CELF2: variants seen among roughly 807,000 people sequenced by gnomAD.
CELF2 encodes the protein CUGBP Elav-like family member 2.
A neutral mutation model predicts 62.6 loss-of-function variants in CELF2; 8 were observed. That is an observed-to-expected ratio of 0.13 (90% CI 0.07 to 0.23). CELF2 has a LOEUF of 0.23. Among genes scored for constraint, CELF2 ranks in the 10% least tolerant of loss-of-function variants. The pLI is 1.00. For synonymous variants in CELF2, 258 were observed against 250.0 expected, an observed-to-expected ratio of 1.03 and a Z score of -0.30; for missense variants, 333 against 671.0, an observed-to-expected ratio of 0.50 and a Z score of 5.56.
chr10:11,252,393 T>G (rs931086069), intron 4 of CELF2, among the ~76,000 whole-genome samples: 5 of 152,258 alleles, frequency 3.3e-5, no homozygotes, highest in African/African-American at 1.2e-4. Context: ...CTCATCACAG[T>G]TAGACAGTTA....
Position 11,330,091 on chromosome 10 carries a change from A to C in CELF2, c.*1038A>C, listed in dbSNP as rs1480042706. Reference sequence around the variant, plus strand: ...CCGTTGAACCCTAGACCTGAAGTTCATGCTTTATCCTCTCGTTGTTTGTAT... The same window carrying C: ...CCGTTGAACCCTAGACCTGAAGTTCCTGCTTTATCCTCTCGTTGTTTGTAT... On this transcript the variant is annotated 3_prime_UTR_variant, in exon 13 of 13. Transcript: ENST00000633077. This position sits in a 1 kb window ranked among gnomAD's most constrained non-coding sequence, Gnocchi z 4.5. 6.5e-5 allele frequency: 10 copies of C among 152,754 alleles called. No individual in the cohort carries two copies. The highest frequency in any genetic ancestry group is 1.2e-4 in the Non-Finnish European group (8 of 68,024). 9.5% of individuals were successfully genotyped at this position (152,754 alleles called of 1,614,324 possible).
intron 1 of CELF2, among the ~76,000 whole-genome samples, chr10:11,064,748 G>A (rs930323196): frequency 2.0e-5 from 3 of 152,054 alleles, no homozygotes; most frequent in Non-Finnish European, 4.4e-5. Flanking sequence ...ATTCAATTAG[G>A]GGAGACTCTT....
At chr10:11,106,093 G>A (rs1056309776) in intron 1 of CELF2, among the ~76,000 whole-genome samples, 4 of 152,146 alleles carry the variant, frequency 2.6e-5, no homozygotes, top group Admixed American at 2.6e-4. Context: ...CTCATTATCA[G>A]ATATGTCTTG....
At chr10:10,700,042 A>G in the CELF2 span, among the ~76,000 whole-genome samples, 1 of 152,214 alleles carries the variant, frequency 6.6e-6, no homozygotes, top group Non-Finnish European at 1.5e-5. Flanking sequence ...CCCACTAGGT[A>G]TCTGGAATTC....
At chr10:10,643,984 C>G in the CELF2 span, among the ~76,000 whole-genome samples, 1 of 152,180 alleles carries the variant, frequency 6.6e-6, no homozygotes, top group East Asian at 1.9e-4. Flanking sequence ...GATGTTATCA[C>G]AGCCCTAAGG....
the CELF2 span, among the ~76,000 whole-genome samples, chr10:10,669,115 G>A: frequency 6.6e-6 from 1 of 152,366 alleles, no homozygotes; most frequent in Non-Finnish European, 1.5e-5. Context: ...AGGCAGCTCA[G>A]TAGTGGTTTG....
At chr10:10,507,005 C>A in the CELF2 span, among the ~76,000 whole-genome samples, 2 of 152,094 alleles carry the variant, frequency 1.3e-5, no homozygotes, top group South Asian at 4.2e-4. Context: ...CAGCGGAGAT[C>A]CAGGCAAAGG....
chr10:11,172,428 A>G (rs1294237971), intron 2 of CELF2, among the ~76,000 whole-genome samples: 6 of 152,224 alleles, frequency 3.9e-5, no homozygotes, highest in Non-Finnish European at 5.9e-5. Context: ...ATGAAATGCA[A>G]TTTTAAAATA....
chr10:10,480,188 A>G, the CELF2 span, among the ~76,000 whole-genome samples: 1 of 152,220 alleles, frequency 6.6e-6, no homozygotes, highest in East Asian at 1.9e-4. Context: ...TGTAACCACA[A>G]AATATAAAAC....
At position 10,849,441 on chromosome 10, in the gene CELF2, A is replaced by G. The variant is rs2059238181; in HGVS notation, c.53+50624A>G. Among the ~76,000 whole-genome samples the G allele has an allele frequency of 2.0e-5, 3 of 151,992 alleles. 1 individual carries two copies. The highest frequency in any genetic ancestry group is 2.0e-4 in the Admixed American group (3 of 15,242). ...AAAAGAAAAGAAAACTGTAAGAACA[A>G]TACAAAGAATACTATACACTCTTTC... On this transcript the variant is annotated intron_variant, in intron 1 of 13. Transcript: ENST00000636488.
At chr10:10,520,646 G>C in the CELF2 span, among the ~76,000 whole-genome samples, 1 of 152,102 alleles carries the variant, frequency 6.6e-6, no homozygotes, top group African/African-American at 2.4e-5. Context: ...CAGCCGGAAA[G>C]CCAAAGCACA....
intron 1 of CELF2, among the ~76,000 whole-genome samples, chr10:10,830,494 C>T (rs967047464): frequency 1.3e-5 from 2 of 152,146 alleles, no homozygotes; most frequent in East Asian, 3.9e-4. Context: ...AAGTTTGATT[C>T]GTCATTTTGT....
chr10:10,939,909 G>A (rs181454657), intron 2 of CELF2, among the ~76,000 whole-genome samples: 106 of 152,134 alleles, frequency 7.0e-4, no homozygotes, highest in Middle Eastern at 3.4e-3. Context: ...AGCCGAGACC[G>A]CACCACTGCA....
intron 2 of CELF2, among the ~76,000 whole-genome samples, chr10:10,964,982 G>A (rs754097529): frequency 2.0e-5 from 3 of 151,936 alleles, no homozygotes; most frequent in Non-Finnish European, 4.4e-5. Flanking sequence ...ATGGCTTAAT[G>A]AAAAAAACTG....
At chr10:11,132,688 A>T (rs2059796681) in intron 1 of CELF2, among the ~76,000 whole-genome samples, 1 of 152,184 alleles carries the variant, frequency 6.6e-6, no homozygotes, top group South Asian at 2.1e-4. Flanking sequence ...CCGGCAAAAG[A>T]CTTAAATGAA....
intron 8 of CELF2, among the ~76,000 whole-genome samples, chr10:11,284,678 G>A (rs2090548506): frequency 6.6e-6 from 1 of 150,932 alleles, no homozygotes; most frequent in Admixed American, 6.6e-5. Flanking sequence ...ATGTGTGAGT[G>A]TGTGGATGAT....
At chr10:10,727,970 T>C in the CELF2 span, among the ~76,000 whole-genome samples, 1 of 152,180 alleles carries the variant, frequency 6.6e-6, no homozygotes, top group African/African-American at 2.4e-5. Flanking sequence ...CCGTGTTGCT[T>C]ACAGAAGAGT....
chr10:10,585,178 C>T, the CELF2 span, among the ~76,000 whole-genome samples: 11 of 152,156 alleles, frequency 7.2e-5, no homozygotes, highest in East Asian at 1.9e-4. Flanking sequence ...TCAATTCATA[C>T]GAGGTTTTAG....
chr10:10,698,074 A>G, the CELF2 span, among the ~76,000 whole-genome samples: 5 of 152,328 alleles, frequency 3.3e-5, no homozygotes, highest in South Asian at 4.1e-4. Flanking sequence ...AGGTTTTAAC[A>G]TATCAATTGG....
Sources: allele counts gnomAD v4.1 joint callset (sites outside exome capture counted in the v4.1 genomes callset), GRCh38; gene constraint gnomAD v4.1.1; non-coding constraint Gnocchi (gnomAD v3.1); transcripts MANE v1.5; gene names NCBI Gene and HGNC (gene_info 2026-07-23, HGNC 2026-07-21).